Variants in CCDC102B observed in about 807,000 individuals in gnomAD.
CCDC102B encodes coiled-coil domain containing 102B, also known as coiled-coil domain-containing protein 102B.
In CCDC102B, 75 loss-of-function variants were observed where a neutral mutation model predicts 57.4. That is an observed-to-expected ratio of 1.31 (90% CI 1.08 to 1.58). CCDC102B has a LOEUF of 1.58. Ranked by LOEUF, CCDC102B falls within the 40% of genes most tolerant of loss-of-function variation. The probability of loss-of-function intolerance (pLI) is 0.00; values close to 1 mark genes in which losing one functional copy is unlikely to be tolerated. For missense variants in CCDC102B, 636 were observed against 582.6 expected, an observed-to-expected ratio of 1.09 and a Z score of -0.94; for synonymous variants, 206 against 201.9, an observed-to-expected ratio of 1.02 and a Z score of -0.17.
At chr18:69,056,687 T>C (rs1334349192), downstream of CCDC102B, among the ~76,000 whole-genome samples, 1 of 71,974 alleles carries the variant, frequency 1.4e-5, no homozygotes, top group Non-Finnish European at 3.8e-5. Context: ...ATAGATAGGA[T>C]AGAGATTGAT....
At chr18:68,984,103 T>C (rs148239793) in intron 6 of CCDC102B, among the ~76,000 whole-genome samples, 4 of 152,084 alleles carry the variant, frequency 2.6e-5, no homozygotes, top group Non-Finnish European at 4.4e-5. Context: ...ATTATCTCAT[T>C]TATTTATTCT....
chr18:68,939,244 C>T (rs2049319644), intron 6 of CCDC102B, among the ~76,000 whole-genome samples: 1 of 151,696 alleles, frequency 6.6e-6, no homozygotes, highest in Admixed American at 6.6e-5. Context: ...GTTCTCCCTA[C>T]CAAATGTTTT....
At chr18:69,007,618 C>G (rs1019203824) in intron 6 of CCDC102B, among the ~76,000 whole-genome samples, 1 of 152,146 alleles carries the variant, frequency 6.6e-6, no homozygotes, top group Non-Finnish European at 1.5e-5. Context: ...CTTCTGGGCT[C>G]GAGCCCTGAG....
chr18:68,756,971 G>A (rs542273023), intron 2 of CCDC102B, among the ~76,000 whole-genome samples: 1 of 152,054 alleles, frequency 6.6e-6, no homozygotes, highest in Admixed American at 6.6e-5. Context: ...CATCCTCAGT[G>A]CTAGTGAGAA....
intron 2 of CCDC102B, among the ~76,000 whole-genome samples, chr18:68,765,329 GAA>G (rs1263451263): frequency 1.2e-4 from 7 of 60,016 alleles, no homozygotes; most frequent in Non-Finnish European, 1.8e-4. Flanking sequence ...AGGAAGGAAA[GAA>G]AGAAAGAAAG....
intron 7 of CCDC102B, among the ~76,000 whole-genome samples, chr18:69,032,240 A>T (rs931788033): frequency 1.3e-5 from 2 of 152,208 alleles, no homozygotes; most frequent in Admixed American, 6.6e-5. Flanking sequence ...TTAATTGTGC[A>T]AAGATAAAAT....
At chr18:68,722,933 C>A (rs982991421) in intron 2 of CCDC102B, among the ~76,000 whole-genome samples, 1 of 128,106 alleles carries the variant, frequency 7.8e-6, no homozygotes, top group South Asian at 2.5e-4. Context: ...TCAGGGAGTA[C>A]AAGTGCAGGT....
chr18:68,832,765 G>T (rs1238820023), intron 1 of CCDC102B, among the ~76,000 whole-genome samples: 1 of 132,212 alleles, frequency 7.6e-6, no homozygotes, highest in Non-Finnish European at 1.7e-5. Context: ...AAGCCAGGGG[G>T]AAGAGAGTCT....
chr18:68,802,060 G>T (rs1241900932), intron 1 of CCDC102B, among the ~76,000 whole-genome samples: 2 of 152,082 alleles, frequency 1.3e-5, no homozygotes, highest in Non-Finnish European at 2.9e-5. Flanking sequence ...ACATTTGGTA[G>T]CACAGGAAAA....
At chr18:68,755,581 C>G (rs2034019579) in intron 2 of CCDC102B, among the ~76,000 whole-genome samples, 1 of 152,024 alleles carries the variant, frequency 6.6e-6, no homozygotes, top group South Asian at 2.1e-4. Context: ...ACAAATATTT[C>G]TATTTTGCTT....
At chr18:68,803,405 AAAAG>A (rs1474731468) in intron 1 of CCDC102B, among the ~76,000 whole-genome samples, 3 of 152,210 alleles carry the variant, frequency 2.0e-5, no homozygotes, top group African/African-American at 7.2e-5. Flanking sequence ...CTGGAAGAAA[AAAAG>A]AACATTCAGG....
At chr18:68,918,638 T>A (rs570210195) in intron 6 of CCDC102B, among the ~76,000 whole-genome samples, 38 of 152,296 alleles carry the variant, frequency 2.5e-4, no homozygotes, top group African/African-American at 8.9e-4. Context: ...AGGGAACATG[T>A]CAAGAAACCT....
chr18:68,857,609 A>G (rs2032219), intron 4 of CCDC102B, among the ~76,000 whole-genome samples: 54,549 of 150,500 alleles, frequency 0.36, 10,556 homozygotes, highest in East Asian at 0.66. Context: ...GAATAGCTAT[A>G]TAGTTATATA....
intron 2 of CCDC102B, among the ~76,000 whole-genome samples, chr18:68,749,061 G>A (rs956137576): frequency 1.3e-5 from 2 of 152,130 alleles, no homozygotes; most frequent in Non-Finnish European, 2.9e-5. Flanking sequence ...GTTTTTGTCA[G>A]ATTTGTCAAA....
chr18:68,827,164 A>G (rs2036938792), intron 1 of CCDC102B, among the ~76,000 whole-genome samples: 2 of 152,150 alleles, frequency 1.3e-5, no homozygotes, highest in Non-Finnish European at 2.9e-5. Context: ...CTACCCTTAA[A>G]AATTGGCTAA....
intron 7 of CCDC102B, among the ~76,000 whole-genome samples, chr18:69,041,348 C>T (rs2052429867): frequency 6.6e-6 from 1 of 151,952 alleles, no homozygotes; most frequent in Non-Finnish European, 1.5e-5. Context: ...TTATAGTTAC[C>T]CCGATAGTGT....
intron 2 of CCDC102B, among the ~76,000 whole-genome samples, chr18:68,719,257 GAGAA>G (rs1205063926): frequency 6.6e-6 from 1 of 152,172 alleles, no homozygotes; most frequent in Non-Finnish European, 1.5e-5. Flanking sequence ...GGATTCTCCA[GAGAA>G]AGAAAACCAA....
chr18:69,001,492 GAAA>G (rs35354723), intron 6 of CCDC102B, among the ~76,000 whole-genome samples: 2 of 146,404 alleles, frequency 1.4e-5, no homozygotes, highest in Non-Finnish European at 1.5e-5. Flanking sequence ...GGACAAAAGG[GAAA>G]AAAAAAAAAA....
intron 6 of CCDC102B, among the ~76,000 whole-genome samples, chr18:68,998,160 T>A (rs2051081705): frequency 6.6e-6 from 1 of 152,012 alleles, no homozygotes; most frequent in South Asian, 2.1e-4. Flanking sequence ...AGGTTTGATT[T>A]TTTTTTAATT....
Sources: gnomAD v4.1 joint callset for allele counts (sites outside exome capture counted in the v4.1 genomes callset) on GRCh38, gnomAD v4.1.1 for gene constraint, MANE v1.5 for transcripts, NCBI Gene and HGNC (gene_info 2026-07-23, HGNC 2026-07-21) for gene names.